EXOG: variants seen among roughly 807,000 people sequenced by gnomAD.
EXOG encodes exo/endonuclease G.
In EXOG, 27 loss-of-function variants were observed where a neutral mutation model predicts 25.8. The ratio of observed to expected loss-of-function variants is 1.05; its 90% CI spans 0.77 to 1.45. EXOG has a LOEUF of 1.45. Among genes scored for constraint, EXOG ranks in the 40% most tolerant of loss-of-function variants. EXOG has a pLI of 0.00. For missense variants in EXOG, 458 were observed against 450.5 expected, an observed-to-expected ratio of 1.02 and a Z score of -0.15; for synonymous variants, 133 against 167.0, an observed-to-expected ratio of 0.80 and a Z score of 1.57.
intron 2 of EXOG, among the ~76,000 whole-genome samples, chr3:38,499,217 G>T (rs2059977880): frequency 6.6e-6 from 1 of 151,886 alleles, no homozygotes; most frequent in Non-Finnish European, 1.5e-5. Flanking sequence ...TTTTTAATTT[G>T]CTGTGTGTTC....
At position 38,506,955 on chromosome 3, in the gene EXOG, T is replaced by TA; in HGVS notation, c.633dup (p.Val212SerfsTer2). ...CAGACTAGAGGCGATGGAAAGAAAA[T>TA]AGTTAGTTACCAGGTAAGGATGTTT... On this transcript the variant is annotated frameshift_variant, in exon 5 of 6. Transcript: ENST00000287675. LOFTEE classifies it low-confidence loss of function (END_TRUNC). 6.7e-7 allele frequency: 1 copy of TA among 1,487,770 alleles called. No homozygotes were observed. Among genetic ancestry groups the TA allele is most frequent in the Non-Finnish European group, 9.4e-7 (1 of 1,065,932 alleles). The allele number at this position is 1,487,770 out of a possible 1,614,324, so 92.2% of individuals were successfully genotyped here.
chr3:38,513,679 G>T (rs1559690566), intron 5 of EXOG: 3 of 151,962 alleles, frequency 2.0e-5, no homozygotes, highest in Admixed American at 6.6e-5. Context: ...TTTTAATTTG[G>T]ATTACTTGTT....
chr3:38,498,817 G>A (rs2059966124), intron 2 of EXOG: 1 of 410,400 alleles, frequency 2.4e-6, no homozygotes, highest in Admixed American at 2.6e-5. Flanking sequence ...GATGTGAAAT[G>A]ATGCTGGAGA....
intron 5 of EXOG, among the ~76,000 whole-genome samples, 186 bp from the exon 6 acceptor site, chr3:38,523,715 T>C (rs2060793997): frequency 6.6e-6 from 1 of 152,248 alleles, no homozygotes; most frequent in Admixed American, 6.5e-5. Context: ...ACCTGTTAAA[T>C]ACTCTTCTTG....
At chr3:38,510,683 A>G (rs946553083) in intron 5 of EXOG, among the ~76,000 whole-genome samples, 2 of 149,880 alleles carry the variant, frequency 1.3e-5, no homozygotes, top group African/African-American at 4.9e-5. Context: ...AAAATTATAT[A>G]TTAAATATTA....
At chr3:38,522,778 A>G (rs2060760089) in intron 5 of EXOG, among the ~76,000 whole-genome samples, 1 of 152,242 alleles carries the variant, frequency 6.6e-6, no homozygotes, top group African/African-American at 2.4e-5. Flanking sequence ...TGCTGGGATT[A>G]CAGGCATGAG....
chr3:38,498,041 C>T (rs1454263751), intron 2 of EXOG: 6 of 381,740 alleles, frequency 1.6e-5, no homozygotes, highest in Non-Finnish European at 2.8e-5. Context: ...GCAATGAGCA[C>T]CATTCAGTTT....
At chr3:38,517,600 G>C (rs1374662269) in intron 5 of EXOG, among the ~76,000 whole-genome samples, 6 of 152,224 alleles carry the variant, frequency 3.9e-5, no homozygotes, top group Admixed American at 3.3e-4. Flanking sequence ...GCCTTTTGTA[G>C]TGGATGGAGA....
chr3:38,498,201 T>A (rs1034255676), intron 2 of EXOG, among the ~76,000 whole-genome samples: 1 of 152,196 alleles, frequency 6.6e-6, no homozygotes, highest in African/African-American at 2.4e-5. Context: ...ATTTTAGATG[T>A]ATAATTACAA....
At chr3:38,512,906 C>G (rs2060416383) in intron 5 of EXOG, among the ~76,000 whole-genome samples, 1 of 152,112 alleles carries the variant, frequency 6.6e-6, no homozygotes, top group African/African-American at 2.4e-5. Flanking sequence ...TCGAGATCTT[C>G]CCACTTCAGC....
rs2060219379 is a variant in EXOG at position 38,506,975 on chromosome 3, A to T, written c.645+7A>T. 8.6e-7 allele frequency: 1 copy of T among 1,162,778 alleles called. No individual in the cohort carries two copies. Among genetic ancestry groups the T allele is most frequent in the African/African-American group, 1.5e-5 (1 of 66,138 alleles). 72.0% of individuals were successfully genotyped at this position (1,162,778 alleles called of 1,614,324 possible). ...GAAAATAGTTAGTTACCAGGTAAGG[A>T]TGTTTAATAGTCAGGTTTATGTTAT... On this transcript the variant is annotated splice_region_variant and intron_variant, in intron 5 of 5. Transcript: ENST00000287675.
At chr3:38,509,578 C>G (rs751458112) in intron 5 of EXOG, among the ~76,000 whole-genome samples, 25 of 152,126 alleles carry the variant, frequency 1.6e-4, no homozygotes, top group Admixed American at 8.5e-4. Context: ...TGAAAAGACT[C>G]AGCGCTTAGA....
chr3:38,525,939 G>A lies in EXOG; in HGVS notation c.*1577G>A, dbSNP rs1397285561. On this transcript the variant is annotated 3_prime_UTR_variant, in exon 6 of 6. Coordinates refer to ENST00000287675, the MANE Select transcript of EXOG (RefSeq NM_005107.4). ...AGCCTGGGCCACAGAGGGAGACCCTGTCTCAAAAAAAGAAAAGAAAAAAGA... is the reference window on the plus strand; with the variant it reads ...AGCCTGGGCCACAGAGGGAGACCCTATCTCAAAAAAAGAAAAGAAAAAAGA... The A allele has an allele frequency of 3.1e-6, 3 of 979,632 alleles. No individual in the cohort carries two copies. Among genetic ancestry groups the A allele is most frequent in the Admixed American group, 6.2e-5 (1 of 16,242 alleles). 60.7% of individuals were successfully genotyped at this position (979,632 alleles called of 1,614,324 possible).
In EXOG at chr3:38,525,128, C is replaced by G. The variant is rs2060840375; in HGVS notation, c.*766C>G. The G allele has an allele frequency of 2.2e-6, 2 of 928,244 alleles. No individual in the cohort carries two copies. Among genetic ancestry groups the G allele is most frequent in the Non-Finnish European group, 2.6e-6 (2 of 778,164 alleles). 57.5% of individuals were successfully genotyped at this position (928,244 alleles called of 1,614,324 possible). On this transcript the variant is annotated 3_prime_UTR_variant, in exon 6 of 6. Transcript: ENST00000287675. ...TTAAATGTGTTCTATATACTAGGCT[C>G]AGTGCTTTACATGTGTTGTCTCACA... is the stretch of plus-strand genomic sequence containing the variant.
chr3:38,506,066 G>A (rs2060194850), intron 4 of EXOG, among the ~76,000 whole-genome samples: 1 of 152,022 alleles, frequency 6.6e-6, no homozygotes, highest in Non-Finnish European at 1.5e-5. Context: ...CTACTCGGGA[G>A]GTTGAGGCAG....
chr3:38,507,195 G>A (rs933931350), intron 5 of EXOG, among the ~76,000 whole-genome samples: 10 of 152,258 alleles, frequency 6.6e-5, no homozygotes, highest in Non-Finnish European at 1.5e-4. Flanking sequence ...ACGGTTTAGA[G>A]TGGAAAACAG....
intron 5 of EXOG, chr3:38,523,445 C>T (rs2060783977): frequency 2.7e-6 from 1 of 375,598 alleles, no homozygotes; most frequent in Non-Finnish European, 3.7e-6. Flanking sequence ...CTCACTGCAC[C>T]CTCTGCCTCC....
In EXOG at chr3:38,496,448, C is replaced by T. The variant is rs1202636077; in HGVS notation, c.81C>T (p.Gly27=). Residue 27 remains glycine (G), a synonymous_variant, in exon 1 of 6, where the codon GGC becomes GGT. Coordinates refer to ENST00000287675, the MANE Select transcript of EXOG (RefSeq NM_005107.4). ...LSGFVAGAVV[G]AAGAGLAALQ... ...GCTTCGTGGCTGGGGCTGTAGTGGGCGCTGCGGGAGCTGGGCTCGCGGCCC... is the reference window on the plus strand; with the variant it reads ...GCTTCGTGGCTGGGGCTGTAGTGGGTGCTGCGGGAGCTGGGCTCGCGGCCC... 6 of 1,614,028 alleles carry T rather than the reference C, an allele frequency of 3.7e-6. No homozygotes were observed. The highest frequency in any genetic ancestry group is 5.1e-6 in the Non-Finnish European group (6 of 1,179,978).
At chr3:38,510,123 C>T (rs1183195013) in intron 5 of EXOG, among the ~76,000 whole-genome samples, 2 of 152,176 alleles carry the variant, frequency 1.3e-5, no homozygotes, top group South Asian at 2.1e-4. Flanking sequence ...ACGCTGTACT[C>T]CTGGTGTGAT....
Sources: allele counts gnomAD v4.1 joint callset (sites outside exome capture counted in the v4.1 genomes callset), GRCh38; gene constraint gnomAD v4.1.1; transcripts MANE v1.5; gene names NCBI Gene and HGNC (gene_info 2026-07-23, HGNC 2026-07-21).